AP3D1: variants seen among roughly 807,000 people sequenced by gnomAD.
AP3D1 encodes AP-3 complex subunit delta-1.
AP3D1 carries 51 observed loss-of-function variants against 147.6 expected under a neutral mutation model. The ratio of observed to expected loss-of-function variants is 0.35; its 90% CI spans 0.28 to 0.44. AP3D1 has a LOEUF of 0.44. Ranked by LOEUF, AP3D1 falls within the 20% of genes least tolerant of loss-of-function variation. The probability of loss-of-function intolerance (pLI) is 1.00; values close to 1 mark genes in which losing one functional copy is unlikely to be tolerated. For missense variants in AP3D1, 1,421 were observed against 1,624.2 expected, an observed-to-expected ratio of 0.87 and a Z score of 2.15; for synonymous variants, 760 against 663.0, an observed-to-expected ratio of 1.15 and a Z score of -2.25.
At chr19:2,130,359 C>A (rs200696225) in intron 6 of AP3D1, 49 bp downstream of exon 6, 52 of 1,610,624 alleles carry the variant, frequency 3.2e-5, no homozygotes, top group Non-Finnish European at 4.4e-5. Context: ...CCCAGGGCAC[C>A]GGCTGAGCCC....
Position 2,110,704 on chromosome 19 carries a change from C to A in AP3D1, c.3175+3G>T. On this transcript the variant is annotated splice_donor_region_variant and intron_variant, in intron 27 of 31. Coordinates refer to ENST00000643116, the MANE Select transcript of AP3D1 (RefSeq NM_001261826.3). ...GAGAGGCCGTGAGTGGGGCAGGGCT[C>A]ACCTGGGGGCAGCTGGAAAGGCACG... The A allele has an allele frequency of 1.3e-6, 2 of 1,592,216 alleles. No homozygotes were observed. The highest frequency in any genetic ancestry group is 1.7e-6 in the Non-Finnish European group (2 of 1,170,588).
At chr19:2,114,695 G>T in intron 21 of AP3D1, 53 bp downstream of exon 21, 1 of 1,430,438 alleles carries the variant, frequency 7.0e-7, no homozygotes, top group Non-Finnish European at 9.6e-7. Context: ...ACGAGAGGAA[G>T]GGAAGCAACC....
chr19:2,120,640 C>T (rs1255111759), intron 14 of AP3D1, among the ~76,000 whole-genome samples: 1 of 152,152 alleles, frequency 6.6e-6, no homozygotes, highest in Non-Finnish European at 1.5e-5. Flanking sequence ...CACAGATGCC[C>T]GAGGGCAGAG....
chr19:2,120,266 C>A (rs940913935), intron 14 of AP3D1, among the ~76,000 whole-genome samples: 3 of 152,220 alleles, frequency 2.0e-5, no homozygotes, highest in Admixed American at 2.0e-4. Context: ...CGAGCCTGCC[C>A]AGCAGTGGCT....
At chr19:2,111,876 G>A (rs757532166) in intron 24 of AP3D1, 48 bp from the exon 25 acceptor site, 6 of 1,595,826 alleles carry the variant, frequency 3.8e-6, no homozygotes, top group East Asian at 2.3e-5. Flanking sequence ...GCTCCAGCAC[G>A]CCCCCATCAC....
intron 1 of AP3D1, among the ~76,000 whole-genome samples, chr19:2,142,377 T>C (rs985799909): frequency 8.6e-5 from 13 of 151,998 alleles, no homozygotes; most frequent in African/African-American, 3.1e-4. Context: ...CTTGAACTCC[T>C]GGCCTCAAGT....
intron 9 of AP3D1, among the ~76,000 whole-genome samples, chr19:2,125,406 C>T (rs2018726738): frequency 6.6e-6 from 1 of 152,158 alleles, no homozygotes; most frequent in Admixed American, 6.5e-5. Context: ...ACCTCTGCCT[C>T]CCTGGTTCAA....
upstream of AP3D1, among the ~76,000 whole-genome samples, chr19:2,153,171 C>A (rs529725291): frequency 1.4e-5 from 2 of 140,322 alleles, no homozygotes; most frequent in African/African-American, 2.7e-5. Context: ...GTCAGGAGTT[C>A]GAGACCAGCC....
rs1420940585 is a variant in AP3D1 at position 2,114,616 on chromosome 19, G to C, written c.2423+132C>G. Reference sequence around the variant, plus strand: ...AGCAGTGCAGTGAGGACGTGGTCTGGGGAAGGCCCGCCCGCACCCCACCCC... The same window carrying C: ...AGCAGTGCAGTGAGGACGTGGTCTGCGGAAGGCCCGCCCGCACCCCACCCC... On this transcript the variant is annotated intron_variant, in intron 21 of 31. Coordinates refer to ENST00000643116, the MANE Select transcript of AP3D1 (RefSeq NM_001261826.3). 6.8e-6 allele frequency: 5 copies of C among 739,232 alleles called. No individual in the cohort carries two copies. The East Asian group carries it at 7.7e-5, about 11-fold the overall frequency. The allele number at this position is 739,232 out of a possible 1,614,324, so 45.8% of individuals were successfully genotyped here. A position where few individuals can be genotyped will look rare whatever the true frequency, so the allele number is the denominator to read the frequency against.
intron 12 of AP3D1, 37 bp from the exon 13 acceptor site, chr19:2,121,348 C>A (rs1396327124): frequency 1.2e-6 from 2 of 1,608,822 alleles, no homozygotes; most frequent in East Asian, 2.2e-5. Context: ...GAGAGCGGAC[C>A]CAGCCTGGGG....
chr19:2,129,345 G>C lies in AP3D1; in HGVS notation c.705C>G (p.Asn235Lys). 6.2e-7 allele frequency: 1 copy of C among 1,614,058 alleles called. No homozygotes were observed. The change falls in exon 7 of 32, where the codon AAC (asparagine) becomes AAG (lysine). Residue 235 changes from asparagine to lysine, a missense_variant. Transcript: ENST00000643116. ...GCTTGATGATCTTGATGAGGACCCA[G>C]TTGTTGGTGGAGGACGTCATCAGCT... is the stretch of plus-strand genomic sequence containing the variant. ...FFKLMTSSTN[N>K]WVLIKIIKLF...
At chr19:2,124,000 T>C in intron 9 of AP3D1, 121 bp from the exon 10 acceptor site, 7 of 1,135,024 alleles carry the variant, frequency 6.2e-6, no homozygotes, top group South Asian at 2.7e-5. Context: ...AGGACAGAAA[T>C]GCCACTGAGT....
At chr19:2,137,630 T>C (rs2019111441) in intron 3 of AP3D1, 97 bp downstream of exon 3, 1 of 1,063,678 alleles carries the variant, frequency 9.4e-7, no homozygotes, top group Non-Finnish European at 1.4e-6. Context: ...AGCTAGACTC[T>C]GTCTCAAGAA....
At chr19:2,106,318 G>A (rs1044105258) in intron 31 of AP3D1, among the ~76,000 whole-genome samples, 7 of 152,164 alleles carry the variant, frequency 4.6e-5, no homozygotes, top group African/African-American at 1.7e-4. Flanking sequence ...GGAGGCCGAG[G>A]CAGGCAGATC....
chr19:2,114,445 C>T (rs900991055), intron 21 of AP3D1, 143 bp from the exon 22 acceptor site: 3 of 732,914 alleles, frequency 4.1e-6, no homozygotes, highest in African/African-American at 3.6e-5. Flanking sequence ...CATAGATCTA[C>T]TCAACACAGC....
rs1364815500 is a variant in AP3D1 at position 2,112,848 on chromosome 19, T to C, written c.2787+12A>G. 1.2e-6 allele frequency: 2 copies of C among 1,600,206 alleles called. No homozygotes were observed. Among genetic ancestry groups the C allele is most frequent in the East Asian group, 2.3e-5 (1 of 44,432 alleles). On this transcript the variant is annotated intron_variant, in intron 24 of 31. Transcript: ENST00000643116. The stretch of plus-strand genomic sequence containing the variant: ...CAGCCCTCCACAGCCCCTGGGGGAG[T>C]GACAGCCTCACCTTGTCCTGGTCTT...
In AP3D1 at chr19:2,125,874, C is replaced by T. The variant is rs554646053; in HGVS notation, c.856+1278G>A. Among the ~76,000 whole-genome samples the T allele has an allele frequency of 6.0e-5, 9 of 151,126 alleles. No individual in the cohort carries two copies. The East Asian group carries it at 1.8e-3, about 29-fold the overall frequency. ...AAAGAGATGGGGTGCTGGCTGAGTA[C>T]AGTAACTCAGGCCTGTAATCCCATC... On this transcript the variant is annotated intron_variant, in intron 9 of 31. Transcript: ENST00000643116.
Position 2,114,132 on chromosome 19 carries a change from T to C in AP3D1, c.2594A>G (p.Glu865Gly), listed in dbSNP as rs1458547565. ...ERDKEKKKEK[E>G]KKAEDLDFWL... The stretch of plus-strand genomic sequence containing the variant: ...CCTGGGCACTAGCCTTACCTTCTTC[T>C]CCTTCTCCTTCTTCTTCTCCTTGTC... Residue 865 changes from glutamate to glycine, a missense_variant, in exon 22 of 32, where the codon GAG (glutamate) becomes GGG (glycine). Glu to Gly is a moderately conservative substitution (Grantham distance 98). Transcript: ENST00000643116. 1 of 1,549,732 alleles carries C rather than the reference T, an allele frequency of 6.5e-7. No individual in the cohort carries two copies. Among genetic ancestry groups the C allele is most frequent in the African/African-American group, 1.4e-5 (1 of 72,868 alleles).
chr19:2,157,672 C>T (rs112932731), intron 1 of AP3D1, among the ~76,000 whole-genome samples: 20 of 149,858 alleles, frequency 1.3e-4, no homozygotes, highest in African/African-American at 4.9e-4. Context: ...AACAAACATC[C>T]ACCCACCCAT....
Sources: allele counts gnomAD v4.1 joint callset (sites outside exome capture counted in the v4.1 genomes callset), GRCh38; gene constraint gnomAD v4.1.1; transcripts MANE v1.5; gene names NCBI Gene and HGNC (gene_info 2026-07-23, HGNC 2026-07-21).